Variants in EYA4 observed in about 807,000 individuals in gnomAD.
EYA4 encodes the protein protein phosphatase EYA4.
EYA4 carries 31 observed loss-of-function variants against 87.9 expected under a neutral mutation model. The ratio of observed to expected loss-of-function variants is 0.35; its 90% CI spans 0.27 to 0.48. EYA4 has a LOEUF of 0.48. EYA4 is among the 20% of genes least tolerant of loss of function. EYA4 has a pLI of 0.99. For missense variants in EYA4, 678 were observed against 761.4 expected (o/e 0.89, Z 1.29); for synonymous variants, 263 against 270.6 (o/e 0.97, Z 0.28).
At position 133,342,574 on chromosome 6, in the gene EYA4, CAT is replaced by C. The variant is rs56987430; in HGVS notation, c.34-39788_34-39787del. Among the ~76,000 whole-genome samples, 746 of 100,448 alleles carry C rather than the reference CAT, an allele frequency of 7.4e-3. 19 individuals are homozygous for C. The highest frequency in any genetic ancestry group is 0.027 in the African/African-American group (583 of 21,830). The allele number at this position is 100,448 out of a possible 152,430, so 65.9% of individuals were successfully genotyped here. On this transcript the variant is annotated intron_variant, in intron 2 of 19. Coordinates refer to ENST00000355286, the MANE Select transcript of EYA4 (RefSeq NM_004100.5). ...CCATCCAGTTTAAGGTACACACTGC[CAT>C]ATATATATATATATATATATATATA... is the stretch of plus-strand genomic sequence containing the variant.
chr6:133,423,142 A>G (rs1790365997), intron 3 of EYA4, among the ~76,000 whole-genome samples: 1 of 152,066 alleles, frequency 6.6e-6, no homozygotes, highest in Admixed American at 6.6e-5. Context: ...GGTTTGCAGG[A>G]GGATCAGGGA....
At chr6:133,510,478 A>C in intron 14 of EYA4, 1 of 353,388 alleles carries the variant, frequency 2.8e-6, no homozygotes, top group Non-Finnish European at 5.6e-6. Flanking sequence ...ATTCTGGGAG[A>C]AAAACTTTAT....
chr6:133,483,661 A>C (rs956200454), intron 13 of EYA4, among the ~76,000 whole-genome samples: 1 of 147,468 alleles, frequency 6.8e-6, no homozygotes, highest in Non-Finnish European at 1.5e-5. Context: ...CTCTCTTGCT[A>C]TTGTTTTTAT....
Position 133,259,159 on chromosome 6 carries a change from G to A in EYA4, c.-65-15557G>A, listed in dbSNP as rs375244634. 4.2e-4 allele frequency among the ~76,000 whole-genome samples: 64 copies of A among 152,240 alleles called. 1 individual carries two copies. The South Asian group carries it at 0.013, about 31-fold the overall frequency. On this transcript the variant is annotated intron_variant, in intron 1 of 19. Transcript: ENST00000355286. ...AGCAATTATGCTTTTGTGGCTGACT[G>A]AATTCCCTTATAATTCCCTGTTGGG...
At chr6:133,352,151 A>G (rs1309560796) in intron 2 of EYA4, among the ~76,000 whole-genome samples, 1 of 152,128 alleles carries the variant, frequency 6.6e-6, no homozygotes, top group Non-Finnish European at 1.5e-5. Context: ...TTTGATTTGC[A>G]TTTTTATTTT....
At chr6:133,412,393 G>A (rs2128543266) in intron 3 of EYA4, among the ~76,000 whole-genome samples, 1 of 152,272 alleles carries the variant, frequency 6.6e-6, no homozygotes, top group African/African-American at 2.4e-5. Context: ...GACATCGAAT[G>A]TGATCAATTC....
chr6:133,287,986 G>A lies in EYA4; in HGVS notation c.33+13173G>A, dbSNP rs568493381. 2.8e-3 allele frequency among the ~76,000 whole-genome samples: 425 copies of A among 152,160 alleles called. 2 individuals carry two copies. Among genetic ancestry groups the A allele is most frequent in the African/African-American group, 9.4e-3 (390 of 41,508 alleles). ...TCTACTAAAAATACGAAAATTAGCCGGGTGTGGGGGCACACACCTGTAATC... is the reference window on the plus strand; with the variant it reads ...TCTACTAAAAATACGAAAATTAGCCAGGTGTGGGGGCACACACCTGTAATC... On this transcript the variant is annotated intron_variant, in intron 2 of 19. Coordinates refer to ENST00000355286, the MANE Select transcript of EYA4 (RefSeq NM_004100.5).
chr6:133,410,633 T>TTTTTTTTTTTTTTTTTTTTTG (rs1554252061), intron 3 of EYA4, among the ~76,000 whole-genome samples: 1 of 148,840 alleles, frequency 6.7e-6, no homozygotes. Context: ...ACTAAGGTCT[T>TTTTTTTTTTTTTTTTTTTTTG]AATTCCTTCT....
At position 133,529,459 on chromosome 6, in the gene EYA4, C is replaced by T. The variant is rs1800875409; in HGVS notation, c.*654C>T. Reference sequence around the variant, plus strand: ...GAATGTTCATACTGATGTGTTGTGCCTTAAAGACAAGACAGCATTTGTGTG... The same window carrying T: ...GAATGTTCATACTGATGTGTTGTGCTTTAAAGACAAGACAGCATTTGTGTG... On this transcript the variant is annotated 3_prime_UTR_variant, in exon 20 of 20. Coordinates refer to ENST00000355286, the MANE Select transcript of EYA4 (RefSeq NM_004100.5). The T allele has an allele frequency of 2.0e-6, 2 of 983,364 alleles. No individual in the cohort carries two copies. Among genetic ancestry groups the T allele is most frequent in the Admixed American group, 6.2e-5 (1 of 16,164 alleles). 60.9% of individuals were successfully genotyped at this position (983,364 alleles called of 1,614,324 possible).
At chr6:133,313,577 G>A (rs17242354) in intron 2 of EYA4, among the ~76,000 whole-genome samples, 14,442 of 152,216 alleles carry the variant, frequency 0.095, 842 homozygotes, top group South Asian at 0.14. Context: ...TCTGTGCGAG[G>A]TTAGTTGTTG....
chr6:133,487,463 A>G (rs1796778800), intron 13 of EYA4, among the ~76,000 whole-genome samples: 2 of 152,178 alleles, frequency 1.3e-5, no homozygotes, highest in African/African-American at 4.8e-5. Context: ...CAGTTCTAGT[A>G]GAGATGTCTT....
At chr6:133,325,830 G>T (rs1052802795) in intron 2 of EYA4, among the ~76,000 whole-genome samples, 3 of 152,232 alleles carry the variant, frequency 2.0e-5, no homozygotes, top group Non-Finnish European at 4.4e-5. Context: ...AATGAAAGGT[G>T]TAGCTGTTAG....
chr6:133,321,928 G>C (rs538184112), intron 2 of EYA4, among the ~76,000 whole-genome samples: 1 of 152,214 alleles, frequency 6.6e-6, no homozygotes, highest in African/African-American at 2.4e-5. Flanking sequence ...GAGGGCCCAT[G>C]GTCTCTCCTC....
chr6:133,452,856 A>T (rs1272889729), intron 5 of EYA4: 1 of 152,040 alleles, frequency 6.6e-6, no homozygotes, highest in Non-Finnish European at 1.5e-5. Flanking sequence ...ACGAGCTCTG[A>T]CTCACTTACT....
Position 133,405,466 on chromosome 6 carries a change from A to G in EYA4, c.83+23025A>G, listed in dbSNP as rs35163034. 7.8e-3 allele frequency among the ~76,000 whole-genome samples: 1,194 copies of G among 152,284 alleles called. 11 individuals are homozygous for G. Among genetic ancestry groups the G allele is most frequent in the Non-Finnish European group, 0.013 (875 of 68,020 alleles). On this transcript the variant is annotated intron_variant, in intron 3 of 19. Transcript: ENST00000355286. ...ACTTCTTTATTCTTGCATTGTCGTG[A>G]TGATGTGACTGATTTCCACAGATCT... is the stretch of plus-strand genomic sequence containing the variant.
At chr6:133,341,815 C>A (rs186934627) in intron 2 of EYA4, among the ~76,000 whole-genome samples, 63 of 151,264 alleles carry the variant, frequency 4.2e-4, no homozygotes, top group Non-Finnish European at 4.9e-4. Context: ...AAAAAACTTA[C>A]CATTCAACAA....
chr6:133,352,910 TATC>T (rs577808564), intron 2 of EYA4, among the ~76,000 whole-genome samples: 125 of 152,300 alleles, frequency 8.2e-4, no homozygotes, highest in Non-Finnish European at 1.5e-3. Flanking sequence ...TAGCTCAAAA[TATC>T]ATCAGTGACA....
At chr6:133,265,397 T>C (rs984256410) in intron 1 of EYA4, among the ~76,000 whole-genome samples, 1 of 152,098 alleles carries the variant, frequency 6.6e-6, no homozygotes, top group Non-Finnish European at 1.5e-5. Flanking sequence ...AACTAGATTA[T>C]TGGCTCATAA....
chr6:133,446,534 C>T, intron 3 of EYA4, 96 bp from the exon 4 acceptor site: 1 of 1,377,526 alleles, frequency 7.3e-7, no homozygotes. Flanking sequence ...TTAATTATTA[C>T]TGTGAGATCA....
Sources: gnomAD v4.1 joint callset for allele counts (sites outside exome capture counted in the v4.1 genomes callset) on GRCh38, gnomAD v4.1.1 for gene constraint, MANE v1.5 for transcripts, NCBI Gene and HGNC (gene_info 2026-07-23, HGNC 2026-07-21) for gene names.